SRL: variants seen among roughly 807,000 people sequenced by gnomAD.
The protein encoded by SRL is sarcalumenin.
Under a neutral mutation model 39.5 loss-of-function variants are expected in SRL, and 23 were observed. That is an observed-to-expected ratio of 0.58 (90% CI 0.42 to 0.82). SRL has a LOEUF of 0.82. Among genes scored for constraint, SRL ranks in the 40% least tolerant of loss-of-function variants. The probability of loss-of-function intolerance (pLI) is 0.00; values close to 1 mark genes in which losing one functional copy is unlikely to be tolerated. For missense variants in SRL, 592 were observed against 607.8 expected (o/e 0.97, Z 0.27); for synonymous variants, 272 against 237.4 (o/e 1.15, Z -1.34).
At chr16:4,210,300 T>G (rs1330717545) in intron 1 of SRL, among the ~76,000 whole-genome samples, 3 of 152,144 alleles carry the variant, frequency 2.0e-5, no homozygotes, top group East Asian at 1.9e-4. Flanking sequence ...TTTGGTTTAA[T>G]CAGAAGAGAC....
chr16:4,192,964 C>A lies in SRL; in HGVS notation c.611G>T (p.Gly204Val). ...CTGGCACACGTCGTTGAAGGGGTAG[C>A]CTTTGGGAGACAGAAGTGAGAAGTC... is the stretch of plus-strand genomic sequence containing the variant. ...IIENRKQQER[G>V]YPFNDVCQWF... Residue 204 changes from glycine to valine, a missense_variant and splice_region_variant, in exon 6 of 6, where the codon GGC becomes GTC. Transcript: ENST00000399609. The surrounding 1 kb of genome is among the most constrained non-coding windows in gnomAD (Gnocchi z 4.0). 1.2e-6 allele frequency: 2 copies of A among 1,604,066 alleles called. No individual in the cohort carries two copies. The highest frequency in any genetic ancestry group is 1.1e-5 in the South Asian group (1 of 90,748).
chr16:4,192,143 G>A lies in SRL; in HGVS notation c.*10C>T, dbSNP rs1275500832. ...ATTCACCAACAGGAACCCAAGGACCGCTCCACCACCTAGTGCTTCCTGTAG... is the reference window on the plus strand; with the variant it reads ...ATTCACCAACAGGAACCCAAGGACCACTCCACCACCTAGTGCTTCCTGTAG... On this transcript the variant is annotated 3_prime_UTR_variant, in exon 6 of 6. Transcript: ENST00000399609. This position sits in a 1 kb window ranked among gnomAD's most constrained non-coding sequence, Gnocchi z 4.0. The A allele has an allele frequency of 2.6e-6, 4 of 1,533,890 alleles. No homozygotes were observed. The highest frequency in any genetic ancestry group is 1.3e-5 in the South Asian group (1 of 75,944).
In SRL at chr16:4,190,374, C is replaced by T. The variant is rs1403981426; in HGVS notation, c.*1779G>A. On this transcript the variant is annotated 3_prime_UTR_variant, in exon 6 of 6. Coordinates refer to ENST00000399609, the MANE Select transcript of SRL (RefSeq NM_001098814.2). Reference sequence around the variant, plus strand: ...AGCTGGTGCATCCTGACTCCTGCCTCGTGGGTAAGGCCCCCAGGACAGCTT... The same window carrying T: ...AGCTGGTGCATCCTGACTCCTGCCTTGTGGGTAAGGCCCCCAGGACAGCTT... 3 of 398,634 alleles carry T rather than the reference C, an allele frequency of 7.5e-6. No homozygotes were observed. The highest frequency in any genetic ancestry group is 4.4e-5 in the Admixed American group (1 of 22,724). The allele number at this position is 398,634 out of a possible 1,614,324, so 24.7% of individuals were successfully genotyped here. A position where few individuals can be genotyped will look rare whatever the true frequency, so the allele number is the denominator to read the frequency against.
intron 1 of SRL, among the ~76,000 whole-genome samples, chr16:4,241,640 G>A (rs1221586945): frequency 2.0e-5 from 3 of 152,124 alleles, no homozygotes; most frequent in Admixed American, 6.6e-5. Context: ...TCACCTCAAC[G>A]ACCTCCAGCT....
intron 1 of SRL, 106 bp from the exon 2 acceptor site, chr16:4,204,740 G>C (rs2052296711): frequency 1.1e-6 from 1 of 900,796 alleles, no homozygotes; most frequent in Non-Finnish European, 1.8e-6. Context: ...GGGCTCAACA[G>C]GGTCTTGCCA....
intron 1 of SRL, among the ~76,000 whole-genome samples, chr16:4,221,489 C>T (rs1206267667): frequency 2.0e-5 from 3 of 152,184 alleles, no homozygotes; most frequent in Non-Finnish European, 4.4e-5. Context: ...ATTCCACACT[C>T]GCTGTCCCCA....
In SRL at chr16:4,192,281, C is replaced by A; in HGVS notation, c.1294G>T (p.Glu432Ter). 1 of 1,614,146 alleles carries A rather than the reference C, an allele frequency of 6.2e-7. No individual in the cohort carries two copies. The highest frequency in any genetic ancestry group is 8.5e-7 in the Non-Finnish European group (1 of 1,180,022). Residue 432 changes from glutamate to a stop codon, truncating the protein, a stop_gained, in exon 6 of 6, where the codon GAG becomes TAG. Transcript: ENST00000399609. LOFTEE classifies it high-confidence loss of function. The surrounding 1 kb of genome is among the most constrained non-coding windows in gnomAD (Gnocchi z 4.0). ...GGAAGCTCCTGAGTGATGGCCCGCTCAATCTTCTCCAGAAAGCAACCTCCC... is the reference window on the plus strand; with the variant it reads ...GGAAGCTCCTGAGTGATGGCCCGCTAAATCTTCTCCAGAAAGCAACCTCCC... Reference protein sequence around the residue: ...YMGGCFLEKIERAITQELPGL... With the variant: ...YMGGCFLEKI
At chr16:4,227,444 G>T (rs111863591) in intron 1 of SRL, among the ~76,000 whole-genome samples, 4 of 151,406 alleles carry the variant, frequency 2.6e-5, no homozygotes, top group Admixed American at 6.6e-5. Context: ...TGGATGTGTG[G>T]GTGCGTGGAT....
In SRL at chr16:4,229,095, G is replaced by T. The variant is rs576339679; in HGVS notation, c.61+12912C>A. ...ATCAACCCAGATGCCCACCAACGGT[G>T]GCCTGAATCAAGAAGATGTGGTACA... On this transcript the variant is annotated intron_variant, in intron 1 of 5. Transcript: ENST00000399609. 2.0e-5 allele frequency among the ~76,000 whole-genome samples: 3 copies of T among 151,434 alleles called. No homozygotes were observed. In the East Asian group the frequency reaches 5.8e-4, roughly 30 times the overall value.
rs776865624 is a variant in SRL at position 4,192,574 on chromosome 16, C to T, written c.1001G>A (p.Arg334His). 2.5e-6 allele frequency: 4 copies of T among 1,614,030 alleles called. No homozygotes were observed. Among genetic ancestry groups the T allele is most frequent in the South Asian group, 1.1e-5 (1 of 91,084 alleles). ...GATGCGGACCCGGATGGCGTGCTGG[C>T]GGATGAAGGCAATCTTGTTCTCCAG... ...NRLENKIAFI[R>H]QHAIRVRIHA... Residue 334 changes from arginine to histidine, a missense_variant, in exon 6 of 6, where the codon CGC becomes CAC. Transcript: ENST00000399609. The surrounding 1 kb of genome is among the most constrained non-coding windows in gnomAD (Gnocchi z 4.0).
chr16:4,233,898 GA>G (rs1380690428), intron 1 of SRL, among the ~76,000 whole-genome samples: 4 of 152,106 alleles, frequency 2.6e-5, no homozygotes, highest in Non-Finnish European at 5.9e-5. Flanking sequence ...CCTAAAGGGG[GA>G]CTCCCTTTAG....
chr16:4,202,954 G>A (rs1319664044), intron 3 of SRL, among the ~76,000 whole-genome samples: 2 of 152,194 alleles, frequency 1.3e-5, no homozygotes, highest in African/African-American at 4.8e-5. Context: ...GCGCTGTGCT[G>A]GTGAAAGGGT....
intron 5 of SRL, 55 bp from the exon 6 acceptor site, chr16:4,193,019 G>T: frequency 6.8e-7 from 1 of 1,478,376 alleles, no homozygotes; most frequent in East Asian, 2.3e-5. Context: ...CAAAGCCCGC[G>T]CACCTCCTTT....
chr16:4,203,204 G>A lies in SRL; in HGVS notation c.221C>T (p.Ser74Phe). 6.2e-7 allele frequency: 1 copy of A among 1,614,192 alleles called. No homozygotes were observed. The highest frequency in any genetic ancestry group is 1.1e-5 in the South Asian group (1 of 91,082). ...CTGCCGGAGCTCATTGTACTTGTAG[G>A]ACTGCTCCAGAGGCTTGATGGATGA... ...YHSSIKPLEQSYKYNELRQHE... is the reference protein window; with the variant it reads ...YHSSIKPLEQFYKYNELRQHE... The change falls in exon 3 of 6, where the codon TCC becomes TTC. Residue 74 changes from serine to phenylalanine, a missense_variant. Coordinates refer to ENST00000399609, the MANE Select transcript of SRL (RefSeq NM_001098814.2).
chr16:4,192,076 G>T lies in SRL; in HGVS notation c.*77C>A. 1 of 1,439,830 alleles carries T rather than the reference G, an allele frequency of 6.9e-7. No homozygotes were observed. Among genetic ancestry groups the T allele is most frequent in the Non-Finnish European group, 9.4e-7 (1 of 1,065,184 alleles). The allele number at this position is 1,439,830 out of a possible 1,614,324, so 89.2% of individuals were successfully genotyped here. ...AATTCCTGCCAGTGTGGCTCAAAGGGTTAATAAACCAGGACCTCTCAGACA... is the reference window on the plus strand; with the variant it reads ...AATTCCTGCCAGTGTGGCTCAAAGGTTTAATAAACCAGGACCTCTCAGACA... On this transcript the variant is annotated 3_prime_UTR_variant, in exon 6 of 6. Transcript: ENST00000399609. The surrounding 1 kb of genome is among the most constrained non-coding windows in gnomAD (Gnocchi z 4.0).
rs559643243 is a variant in SRL, at chr16:4,229,821, C to T, written c.61+12186G>A. ...AAGTTCTTCCTCTGAGGAGCTTCTG[C>T]AGATGAGGAGGTGCTTCCACATCCT... is the stretch of plus-strand genomic sequence containing the variant. On this transcript the variant is annotated intron_variant, in intron 1 of 5. Coordinates refer to ENST00000399609, the MANE Select transcript of SRL (RefSeq NM_001098814.2). Among the ~76,000 whole-genome samples the T allele has an allele frequency of 3.3e-5, 5 of 152,258 alleles. 1 individual carries two copies. The East Asian group carries it at 9.7e-4, about 29-fold the overall frequency.
rs138872666 is a variant in SRL, at chr16:4,214,680, G to A, written c.62-10046C>T. On this transcript the variant is annotated intron_variant, in intron 1 of 5. Transcript: ENST00000399609. ...CTGAACACTCGTGGACCGGGCAAAC[G>A]TGGGCCAGCAGCCTCTTCTGGTGTC... 4.7e-3 allele frequency among the ~76,000 whole-genome samples: 721 copies of A among 152,204 alleles called. 3 individuals are homozygous for A. The highest frequency in any genetic ancestry group is 0.014 in the African/African-American group (586 of 41,512).
chr16:4,191,762 G>A lies in SRL; in HGVS notation c.*391C>T, dbSNP rs529590376. 51 of 178,100 alleles carry A rather than the reference G, an allele frequency of 2.9e-4. No individual in the cohort carries two copies. Among genetic ancestry groups the A allele is most frequent in the African/African-American group, 1.2e-3 (51 of 42,320 alleles). 11.0% of individuals were successfully genotyped at this position (178,100 alleles called of 1,614,324 possible). A position where few individuals can be genotyped will look rare whatever the true frequency, so the allele number is the denominator to read the frequency against. The stretch of plus-strand genomic sequence containing the variant: ...CCAAAATGGACCTGACAATCTCTAC[G>A]ACTCAGGCCTTCGCTGTTTTCCCAG... On this transcript the variant is annotated 3_prime_UTR_variant, in exon 6 of 6. Coordinates refer to ENST00000399609, the MANE Select transcript of SRL (RefSeq NM_001098814.2).
At chr16:4,208,045 A>C (rs747948911) in intron 1 of SRL, 29 of 455,996 alleles carry the variant, frequency 6.4e-5, no homozygotes, top group Non-Finnish European at 1.2e-4. Context: ...CCAGCAGAGA[A>C]ATGATTCTCC....
Sources: allele counts gnomAD v4.1 joint callset (sites outside exome capture counted in the v4.1 genomes callset), GRCh38; gene constraint gnomAD v4.1.1; non-coding constraint Gnocchi (gnomAD v3.1); transcripts MANE v1.5; gene names NCBI Gene and HGNC (gene_info 2026-07-23, HGNC 2026-07-21).